COG5: variants seen among roughly 807,000 people sequenced by gnomAD.
COG5 encodes conserved oligomeric Golgi complex subunit 5.
COG5 carries 86 observed loss-of-function variants against 110.4 expected under a neutral mutation model. The observed-to-expected ratio is 0.78, with a 90% CI of 0.65 to 0.93. The LOEUF (loss-of-function observed/expected upper bound fraction) is 0.93. Among genes scored for constraint, COG5 ranks in the 40% least tolerant of loss-of-function variants. COG5 has a pLI of 0.00. For missense variants in COG5, 1,077 were observed against 987.0 expected (o/e 1.09, Z -1.22); for synonymous variants, 360 against 334.6 (o/e 1.08, Z -0.83).
chr7:107,415,835 TGTGTGTGTATATATACACACACATACAC>T (rs1205517346), intron 6 of COG5, among the ~76,000 whole-genome samples: 1 of 79,336 alleles, frequency 1.3e-5, no homozygotes, highest in African/African-American at 5.4e-5. Context: ...TATGTATGTA[TGTGTGTGTATATATACACACACATACAC>T]GTATGTATGT....
chr7:107,288,464 G>A (rs924435625), intron 12 of COG5, among the ~76,000 whole-genome samples: 3 of 152,132 alleles, frequency 2.0e-5, no homozygotes, highest in African/African-American at 7.2e-5. Context: ...CAACATCCTT[G>A]ACAACACTTG....
chr7:107,315,258 G>T (rs878872447), intron 11 of COG5, among the ~76,000 whole-genome samples: 1 of 151,548 alleles, frequency 6.6e-6, no homozygotes, highest in African/African-American at 2.4e-5. Context: ...TTTTAAAAAG[G>T]TAAAGATAAT....
At chr7:107,410,887 T>C (rs1375790970) in intron 7 of COG5, among the ~76,000 whole-genome samples, 2 of 151,980 alleles carry the variant, frequency 1.3e-5, no homozygotes, top group African/African-American at 4.8e-5. Flanking sequence ...ATATTCAACG[T>C]TGATAAGGAG....
At chr7:107,546,509 C>T (rs1269817864) in intron 5 of COG5, among the ~76,000 whole-genome samples, 4 of 140,688 alleles carry the variant, frequency 2.8e-5, no homozygotes, top group South Asian at 2.3e-4. Flanking sequence ...AATCTTGGCT[C>T]GCTGCAACTT....
At chr7:107,285,491 A>G (rs919449602) in intron 12 of COG5, among the ~76,000 whole-genome samples, 1 of 152,182 alleles carries the variant, frequency 6.6e-6, no homozygotes, top group Admixed American at 6.5e-5. Context: ...AAAAGTCTAC[A>G]TTTATAATAA....
chr7:107,365,612 A>G (rs1361745985), intron 8 of COG5, among the ~76,000 whole-genome samples: 1 of 150,112 alleles, frequency 6.7e-6, no homozygotes, highest in Non-Finnish European at 1.5e-5. Context: ...AAAAAAAAAA[A>G]AAAAAAAAAA....
chr7:107,406,762 T>G (rs1297238947), intron 7 of COG5, among the ~76,000 whole-genome samples: 1 of 152,194 alleles, frequency 6.6e-6, no homozygotes, highest in African/African-American at 2.4e-5. Context: ...AATTACTTGG[T>G]TTGAGTCCCA....
intron 6 of COG5, among the ~76,000 whole-genome samples, chr7:107,490,977 C>T (rs975249218): frequency 2.0e-5 from 3 of 152,104 alleles, no homozygotes; most frequent in African/African-American, 7.2e-5. Flanking sequence ...GCCCATTCAA[C>T]AAGATTTATT....
At chr7:107,387,381 A>T (rs1192437148) in intron 7 of COG5, among the ~76,000 whole-genome samples, 1 of 152,208 alleles carries the variant, frequency 6.6e-6, no homozygotes, top group Non-Finnish European at 1.5e-5. Flanking sequence ...GCAGCGCCTA[A>T]GCAAGTGCAA....
At chr7:107,327,520 G>A (rs1162592356) in intron 10 of COG5, among the ~76,000 whole-genome samples, 3 of 152,086 alleles carry the variant, frequency 2.0e-5, no homozygotes, top group East Asian at 3.9e-4. Context: ...TACAGAATGG[G>A]GGAAAACATT....
At chr7:107,415,607 AT>A (rs1242148471) in intron 6 of COG5, among the ~76,000 whole-genome samples, 1 of 151,882 alleles carries the variant, frequency 6.6e-6, no homozygotes, top group Non-Finnish European at 1.5e-5. Flanking sequence ...ATAAATAATA[AT>A]TTTAAAAAAG....
intron 1 of COG5, 67 bp from the exon 2 acceptor site, chr7:107,558,182 G>A: frequency 2.0e-6 from 3 of 1,485,948 alleles, no homozygotes; most frequent in African/African-American, 1.4e-5. Flanking sequence ...TTAAACAACA[G>A]AACAATTATA....
intron 16 of COG5, among the ~76,000 whole-genome samples, chr7:107,250,117 G>A (rs548181161): frequency 2.0e-5 from 3 of 152,246 alleles, no homozygotes; most frequent in South Asian, 4.1e-4. Flanking sequence ...AAACCATGTT[G>A]GAGAGTAAAC....
intron 14 of COG5, among the ~76,000 whole-genome samples, chr7:107,259,713 T>C (rs1226314656): frequency 1.3e-5 from 2 of 152,174 alleles, no homozygotes; most frequent in Non-Finnish European, 2.9e-5. Context: ...TCAATCAATT[T>C]TGAAGAACAA....
chr7:107,329,631 C>T (rs1022960190), intron 10 of COG5, among the ~76,000 whole-genome samples: 9 of 152,072 alleles, frequency 5.9e-5, no homozygotes, highest in South Asian at 2.1e-4. Context: ...GTGGCTCATA[C>T]CTGTAATTCC....
intron 16 of COG5, among the ~76,000 whole-genome samples, chr7:107,255,595 T>G (rs966538700): frequency 6.6e-6 from 1 of 152,108 alleles, no homozygotes; most frequent in South Asian, 2.1e-4. Context: ...TGTTTCTCCA[T>G]AGGATTTACT....
chr7:107,510,598 C>T (rs1289112183), intron 6 of COG5, among the ~76,000 whole-genome samples: 1 of 152,178 alleles, frequency 6.6e-6, no homozygotes, highest in Non-Finnish European at 1.5e-5. Context: ...AATATACATT[C>T]TTTTCAGCAC....
chr7:107,248,783 G>T (rs139249985), intron 16 of COG5, among the ~76,000 whole-genome samples: 2 of 152,122 alleles, frequency 1.3e-5, no homozygotes, highest in Non-Finnish European at 2.9e-5. Flanking sequence ...GAAGGCATAC[G>T]CAAGAAGACA....
chr7:107,523,012 T>C (rs1341640541), intron 6 of COG5, among the ~76,000 whole-genome samples: 2 of 152,208 alleles, frequency 1.3e-5, no homozygotes, highest in Non-Finnish European at 2.9e-5. Flanking sequence ...TGAATTTCTA[T>C]ATGAATTTTA....
Sources: gnomAD v4.1 joint callset for allele counts (sites outside exome capture counted in the v4.1 genomes callset) on GRCh38, gnomAD v4.1.1 for gene constraint, MANE v1.5 for transcripts, NCBI Gene and HGNC (gene_info 2026-07-23, HGNC 2026-07-21) for gene names.